SOCS2: variants seen among roughly 807,000 people sequenced by gnomAD.
The protein encoded by SOCS2 is CIS-2.
Under a neutral mutation model 18.6 loss-of-function variants are expected in SOCS2, and 10 were observed. The ratio of observed to expected loss-of-function variants is 0.54; its 90% confidence interval spans 0.33 to 0.91. The LOEUF (loss-of-function observed/expected upper bound fraction) is 0.91, where lower values mean the gene tolerates loss of function less well. Ranked by LOEUF, SOCS2 falls within the 40% of genes least tolerant of loss-of-function variation. The probability of loss-of-function intolerance (pLI) is 0.02; values close to 1 mark genes in which losing one functional copy is unlikely to be tolerated. For missense variants in SOCS2, 231 were observed against 247.2 expected (o/e 0.93, Z 0.44); for synonymous variants, 104 against 104.0 (o/e 1.00, Z 0.00).
At chr12:93,573,066 G>T in intron 1 of SOCS2, 30 bp downstream of exon 1, 1 of 1,549,452 alleles carries the variant, frequency 6.5e-7, no homozygotes, top group Non-Finnish European at 8.7e-7. Context: ...CGACGCGTGC[G>T]GGAGGGAGCG....
the SOCS2 span, among the ~76,000 whole-genome samples, chr12:93,595,694 T>C: frequency 6.6e-6 from 1 of 152,220 alleles, no homozygotes; most frequent in Middle Eastern, 3.2e-3. Context: ...CTGTAGTTTT[T>C]GAGAGCTTCA....
the SOCS2 span, among the ~76,000 whole-genome samples, chr12:93,592,432 C>A: frequency 6.6e-6 from 1 of 152,188 alleles, no homozygotes; most frequent in Non-Finnish European, 1.5e-5. Flanking sequence ...CTATTACAAA[C>A]AACGGTGCGG....
downstream of SOCS2, among the ~76,000 whole-genome samples, chr12:93,579,159 A>C (rs1052195917): frequency 6.6e-6 from 1 of 152,144 alleles, no homozygotes; most frequent in Non-Finnish European, 1.5e-5. Context: ...CCGCCCTCCC[A>C]TCCTTACCAG....
chr12:93,605,649 A>C, the SOCS2 span, among the ~76,000 whole-genome samples: 71 of 152,350 alleles, frequency 4.7e-4, no homozygotes, highest in East Asian at 4.4e-3. Context: ...AAATGACTAC[A>C]AGTGGATGCC....
At chr12:93,611,136 T>C in the SOCS2 span, among the ~76,000 whole-genome samples, 13 of 152,176 alleles carry the variant, frequency 8.5e-5, no homozygotes, top group African/African-American at 3.1e-4. Flanking sequence ...GTTATTACCA[T>C]AGATCTGCAG....
chr12:93,590,496 T>A, the SOCS2 span, among the ~76,000 whole-genome samples: 3 of 151,824 alleles, frequency 2.0e-5, no homozygotes, highest in Admixed American at 6.6e-5. Flanking sequence ...AGAAACGAAC[T>A]ATTAAAAGTT....
chr12:93,598,170 CTG>C, the SOCS2 span, among the ~76,000 whole-genome samples: 5 of 152,130 alleles, frequency 3.3e-5, no homozygotes, highest in African/African-American at 9.7e-5. Flanking sequence ...GCTGACGATA[CTG>C]TGTTTTCGAT....
chr12:93,594,449 CCTAA>C, the SOCS2 span, among the ~76,000 whole-genome samples: 4 of 152,048 alleles, frequency 2.6e-5, no homozygotes, highest in African/African-American at 9.7e-5. Flanking sequence ...ATTTCTATTG[CCTAA>C]CTCTTTTAAT....
At chr12:93,604,919 C>A in the SOCS2 span, among the ~76,000 whole-genome samples, 1 of 151,774 alleles carries the variant, frequency 6.6e-6, no homozygotes, top group South Asian at 2.1e-4. Context: ...CCTTGGCCCC[C>A]GCAAAGTGCT....
At chr12:93,577,750 A>G (rs961867494), downstream of SOCS2, among the ~76,000 whole-genome samples, 1 of 152,110 alleles carries the variant, frequency 6.6e-6, no homozygotes, top group Admixed American at 6.5e-5. Flanking sequence ...ACACGCCTGA[A>G]AGGGGAGCTC....
At chr12:93,572,586 G>A (rs1954293903), upstream of SOCS2, 3 of 584,950 alleles carry the variant, frequency 5.1e-6, no homozygotes, top group Middle Eastern at 4.2e-4. The surrounding 1 kb of genome is among the most constrained non-coding windows in gnomAD (Gnocchi z 5.0). Context: ...ACGTAGAGGC[G>A]GAGGAGTCCC....
At chr12:93,581,707 C>T (rs765690595), downstream of SOCS2, among the ~76,000 whole-genome samples, 8 of 152,060 alleles carry the variant, frequency 5.3e-5, no homozygotes, top group Non-Finnish European at 7.4e-5. Flanking sequence ...TGCTTTCTCC[C>T]TCCTTCTCTC....
downstream of SOCS2, among the ~76,000 whole-genome samples, chr12:93,578,802 C>T (rs1352651466): frequency 2.6e-5 from 4 of 152,068 alleles, no homozygotes; most frequent in South Asian, 2.1e-4. Flanking sequence ...GTTGCACGCT[C>T]CTACCCTTTG....
the SOCS2 span, among the ~76,000 whole-genome samples, chr12:93,604,920 G>T: frequency 6.6e-6 from 1 of 150,804 alleles, no homozygotes; most frequent in East Asian, 2.0e-4. Flanking sequence ...CTTGGCCCCC[G>T]CAAAGTGCTA....
At chr12:93,625,084 T>C in the SOCS2 span, among the ~76,000 whole-genome samples, 2 of 152,256 alleles carry the variant, frequency 1.3e-5, no homozygotes, top group Non-Finnish European at 2.9e-5. Context: ...ATTTCTTTCA[T>C]ATCCCTTTAG....
Position 93,572,721 on chromosome 12 carries a change from T to C in SOCS2, c.-177T>C, listed in dbSNP as rs1179589847. ...GTGACCGCGGCTGCGAGGGACTTTGTCATCCGTCCTCCAGGATCTGGGGAG... is the reference window on the plus strand; with the variant it reads ...GTGACCGCGGCTGCGAGGGACTTTGCCATCCGTCCTCCAGGATCTGGGGAG... On this transcript the variant is annotated 5_prime_UTR_variant, in exon 1 of 2. Transcript: ENST00000551556. This position sits in a 1 kb window ranked among gnomAD's most constrained non-coding sequence, Gnocchi z 5.0. 4 of 853,914 alleles carry C rather than the reference T, an allele frequency of 4.7e-6. No individual in the cohort carries two copies. The African/African-American group carries it at 5.0e-5, about 11-fold the overall frequency. 52.9% of individuals were successfully genotyped at this position (853,914 alleles called of 1,614,324 possible).
chr12:93,615,991 G>C, the SOCS2 span, among the ~76,000 whole-genome samples: 1 of 152,196 alleles, frequency 6.6e-6, no homozygotes, highest in Non-Finnish European at 1.5e-5. Flanking sequence ...ATTTGTCCAA[G>C]CTCTCATGAT....
At chr12:93,606,756 G>C in the SOCS2 span, among the ~76,000 whole-genome samples, 1 of 152,098 alleles carries the variant, frequency 6.6e-6, no homozygotes, top group African/African-American at 2.4e-5. Flanking sequence ...AGGTTCAAGT[G>C]ATCCTCCTGC....
the SOCS2 span, among the ~76,000 whole-genome samples, chr12:93,624,240 C>G: frequency 1.1e-4 from 16 of 152,266 alleles, no homozygotes; most frequent in South Asian, 3.1e-3. Context: ...AACCTGCCAG[C>G]GCTTTGACTT....
Sources: gnomAD v4.1 joint callset for allele counts (sites outside exome capture counted in the v4.1 genomes callset) on GRCh38, gnomAD v4.1.1 for gene constraint, Gnocchi (gnomAD v3.1) non-coding constraint, MANE v1.5 for transcripts, NCBI Gene and HGNC (gene_info 2026-07-23, HGNC 2026-07-21) for gene names.